Variants in TNIP1 observed in about 807,000 individuals in gnomAD.
TNIP1 encodes TNFAIP3 interacting protein 1.
In TNIP1, 22 loss-of-function variants were observed where a neutral mutation model predicts 86.6. That is an observed-to-expected ratio of 0.25 (90% CI 0.18 to 0.36). TNIP1 has a LOEUF of 0.36. Among genes scored for constraint, TNIP1 ranks in the 10% least tolerant of loss-of-function variants. The probability of loss-of-function intolerance (pLI) is 1.00; values close to 1 mark genes in which losing one functional copy is unlikely to be tolerated. For synonymous variants in TNIP1, 294 were observed against 313.0 expected (o/e 0.94, Z 0.64); for missense variants, 709 against 820.6 (o/e 0.86, Z 1.66).
intron 7 of TNIP1, among the ~76,000 whole-genome samples, chr5:151,050,700 C>G (rs1303679918): frequency 6.6e-6 from 1 of 152,082 alleles, no homozygotes; most frequent in Non-Finnish European, 1.5e-5. Flanking sequence ...GTGGCCCAAT[C>G]TCGGCTCACC....
At chr5:151,086,908 G>C (rs1764299380) in intron 1 of TNIP1, among the ~76,000 whole-genome samples, 2 of 152,256 alleles carry the variant, frequency 1.3e-5, no homozygotes, top group South Asian at 2.1e-4. Flanking sequence ...GGGGCTGGGA[G>C]CCCAAGACCT....
rs1213750806 is a variant in TNIP1, at chr5:151,060,247, TCA to T, written c.435+69_435+70del. 21 of 1,542,310 alleles carry T rather than the reference TCA, an allele frequency of 1.4e-5. No homozygotes were observed. In the Admixed American group the frequency reaches 3.5e-4, roughly 26 times the overall value. ...GGGATCTGAACAGGTTCTGTGCCTCTCACATGGTAGCAAGTGACAGGACACAA... is the reference window on the plus strand; with the variant it reads ...GGGATCTGAACAGGTTCTGTGCCTCTCATGGTAGCAAGTGACAGGACACAA... On this transcript the variant is annotated intron_variant, in intron 5 of 17. Coordinates refer to ENST00000521591, the MANE Select transcript of TNIP1 (RefSeq NM_006058.5).
chr5:151,053,390 A>G (rs369049589), intron 6 of TNIP1, among the ~76,000 whole-genome samples: 6 of 152,302 alleles, frequency 3.9e-5, no homozygotes, highest in African/African-American at 1.4e-4. Flanking sequence ...GATTACAGGC[A>G]TGAGCCACCA....
At chr5:151,049,449 G>C (rs577743423) in intron 8 of TNIP1, among the ~76,000 whole-genome samples, 1 of 152,214 alleles carries the variant, frequency 6.6e-6, no homozygotes, top group South Asian at 2.1e-4. Flanking sequence ...ATTCTGCCAG[G>C]AATATCAAAG....
At chr5:151,046,889 T>G (rs1346972961) in intron 8 of TNIP1, among the ~76,000 whole-genome samples, 2 of 152,190 alleles carry the variant, frequency 1.3e-5, no homozygotes, top group Admixed American at 1.3e-4. Flanking sequence ...GGGACAGCTC[T>G]TCCTTACAAA....
At chr5:151,035,548 G>A (rs1436183884) in intron 14 of TNIP1, 34 bp downstream of exon 14, 1 of 1,614,010 alleles carries the variant, frequency 6.2e-7, no homozygotes. Flanking sequence ...ACGAGGACAG[G>A]CCAGTTGCCC....
chr5:151,082,962 G>C (rs1236828088), upstream of TNIP1, among the ~76,000 whole-genome samples: 1 of 152,154 alleles, frequency 6.6e-6, no homozygotes, highest in Non-Finnish European at 1.5e-5. Flanking sequence ...TGAGTCCTCT[G>C]TCTAGAAAAG....
At chr5:151,062,250 A>G (rs1561519205) in intron 3 of TNIP1, 38 bp from the exon 4 acceptor site, 1 of 1,593,374 alleles carries the variant, frequency 6.3e-7, no homozygotes, top group East Asian at 2.2e-5. Context: ...CTGACTGGGA[A>G]GGGGAGAAGC....
intron 2 of TNIP1, 95 bp downstream of exon 2, chr5:151,064,862 AGGC>A: frequency 6.4e-7 from 1 of 1,553,110 alleles, no homozygotes. Context: ...ACTTGGGCAG[AGGC>A]ATATGCCAGC....
intron 2 of TNIP1, among the ~76,000 whole-genome samples, chr5:151,064,511 G>A (rs1443452206): frequency 1.3e-5 from 2 of 152,134 alleles, no homozygotes; most frequent in Non-Finnish European, 2.9e-5. Flanking sequence ...TTGAGCAAGA[G>A]CCAGGAGAAG....
chr5:151,056,916 C>T lies in TNIP1; in HGVS notation c.477G>A (p.Leu159=). ...PLPREDGNLM[L]HLQRLETTLS... is the part of the protein sequence containing the mutation. ...GCGTGGTCTCCAGGCGCTGCAGGTG[C>T]AGCATCAGGTTGCCGTCCTCACGGG... The change falls in exon 6 of 18, where the codon CTG becomes CTA. Residue 159 remains leucine (L), a synonymous_variant. Coordinates refer to ENST00000521591, the MANE Select transcript of TNIP1 (RefSeq NM_006058.5). 6.3e-7 allele frequency: 1 copy of T among 1,589,168 alleles called. No homozygotes were observed. Among genetic ancestry groups the T allele is most frequent in the Admixed American group, 1.8e-5 (1 of 56,976 alleles).
intron 1 of TNIP1, among the ~76,000 whole-genome samples, chr5:151,067,622 C>T (rs908147425): frequency 4.6e-5 from 7 of 152,218 alleles, no homozygotes; most frequent in African/African-American, 1.7e-4. Context: ...GAATTTCTTA[C>T]TCAATGTCTG....
upstream of TNIP1, chr5:151,087,258 A>C (rs1258262810): frequency 6.6e-6 from 1 of 152,564 alleles, no homozygotes; most frequent in African/African-American, 2.4e-5. Context: ...CGCAAGGCCC[A>C]GCTGAGGCCC....
At chr5:151,061,813 T>C (rs1761609083) in intron 4 of TNIP1, among the ~76,000 whole-genome samples, 1 of 152,240 alleles carries the variant, frequency 6.6e-6, no homozygotes, top group Non-Finnish European at 1.5e-5. Flanking sequence ...TTTGAGAATG[T>C]GAGCTCCATG....
At chr5:151,065,892 T>G (rs957746712) in intron 1 of TNIP1, among the ~76,000 whole-genome samples, 6 of 151,486 alleles carry the variant, frequency 4.0e-5, no homozygotes, top group Non-Finnish European at 7.4e-5. Flanking sequence ...AGCACCAAGG[T>G]TTTTTTTTAG....
intron 1 of TNIP1, among the ~76,000 whole-genome samples, chr5:151,075,167 A>C (rs1221082670): frequency 2.6e-5 from 4 of 152,184 alleles, no homozygotes; most frequent in African/African-American, 9.7e-5. Flanking sequence ...CAAGAAAAAA[A>C]CCCCACTAAA....
intron 5 of TNIP1, among the ~76,000 whole-genome samples, chr5:151,059,828 A>AGAGAGAGAGAGAGAGAGAGTGTGT (rs1554076446): frequency 1.8e-5 from 1 of 56,398 alleles, no homozygotes; most frequent in Non-Finnish European, 3.2e-5. Flanking sequence ...AGAGAGAGAG[A>AGAGAGAGAGAGAGAGAGAGTGTGT]GTGTGTGTGT....
intron 16 of TNIP1, 167 bp from the exon 17 acceptor site, chr5:151,032,550 G>GGGAT: frequency 1.5e-6 from 1 of 683,500 alleles, no homozygotes; most frequent in South Asian, 1.7e-5. Context: ...AGGCTCAGAG[G>GGGAT]GGATAACTTG....
At position 151,036,825 on chromosome 5, in the gene TNIP1, C is replaced by G. The variant is rs1472601848; in HGVS notation, c.1360G>C (p.Glu454Gln). 6.2e-7 allele frequency: 1 copy of G among 1,614,074 alleles called. No individual in the cohort carries two copies. Among genetic ancestry groups the G allele is most frequent in the South Asian group, 1.1e-5 (1 of 91,072 alleles). ...EGAGALLRKQ[E>Q]LVTQNELLKQ... is the part of the protein sequence containing the mutation. Reference sequence around the variant, plus strand: ...AGCAACTCATTCTGCGTGACCAGCTCCTGTTTCCTTAGGAGGGCCCCTGCT... The same window carrying G: ...AGCAACTCATTCTGCGTGACCAGCTGCTGTTTCCTTAGGAGGGCCCCTGCT... The change falls in exon 13 of 18, where the codon GAG becomes CAG. Residue 454 changes from glutamate to glutamine, a missense_variant. Transcript: ENST00000521591.
Sources: gnomAD v4.1 joint callset for allele counts (sites outside exome capture counted in the v4.1 genomes callset) on GRCh38, gnomAD v4.1.1 for gene constraint, MANE v1.5 for transcripts, NCBI Gene and HGNC (gene_info 2026-07-23, HGNC 2026-07-21) for gene names.